Variants in PAPOLA observed in about 807,000 individuals in gnomAD.
PAPOLA encodes poly(A) polymerase alpha, also known as polynucleotide adenylyltransferase alpha.
Under a neutral mutation model 100.6 loss-of-function variants are expected in PAPOLA, and 15 were observed. That is an observed-to-expected ratio of 0.15 (90% CI 0.10 to 0.23). PAPOLA has a LOEUF of 0.23. Ranked by LOEUF, PAPOLA falls within the 10% of genes least tolerant of loss-of-function variation. The pLI, the probability that PAPOLA is intolerant of heterozygous loss-of-function variation, is 1.00. For missense variants in PAPOLA, 533 were observed against 884.2 expected (o/e 0.60, Z 5.04); for synonymous variants, 293 against 300.0 (o/e 0.98, Z 0.24).
At chr14:96,507,927 G>A (rs1896843202) in intron 1 of PAPOLA, among the ~76,000 whole-genome samples, 1 of 152,106 alleles carries the variant, frequency 6.6e-6, no homozygotes, top group African/African-American at 2.4e-5. Context: ...CCAGGCTGGA[G>A]TGTAGTGGTG....
intron 19 of PAPOLA, among the ~76,000 whole-genome samples, chr14:96,559,996 T>G (rs1303813109): frequency 1.3e-5 from 2 of 152,172 alleles, no homozygotes; most frequent in Admixed American, 6.5e-5. Context: ...AATAAAGTCC[T>G]TATTGGAATT....
chr14:96,547,292 T>C (rs973008929), intron 15 of PAPOLA, among the ~76,000 whole-genome samples: 4 of 152,164 alleles, frequency 2.6e-5, no homozygotes, highest in African/African-American at 9.7e-5. Context: ...ATTTTCTTTT[T>C]GTACCTGTGA....
Position 96,536,358 on chromosome 14 carries a change from C to T in PAPOLA, c.1030+359C>T, listed in dbSNP as rs191828389. Among the ~76,000 whole-genome samples the T allele has an allele frequency of 1.9e-3, 295 of 152,136 alleles. 2 individuals carry two copies. The highest frequency in any genetic ancestry group is 3.4e-3 in the Non-Finnish European group (231 of 67,906). ...AAAGAACTTTGAGCAGGAATGGGGC[C>T]AAACCACCCAATTACATTCCATTAT... On this transcript the variant is annotated intron_variant, in intron 11 of 21. Coordinates refer to ENST00000216277, the MANE Select transcript of PAPOLA (RefSeq NM_032632.5).
At chr14:96,553,796 A>T (rs900736434) in intron 17 of PAPOLA, among the ~76,000 whole-genome samples, 3 of 152,168 alleles carry the variant, frequency 2.0e-5, no homozygotes, top group African/African-American at 7.2e-5. Context: ...TCCAGGCATG[A>T]GCCACCACGC....
intron 19 of PAPOLA, among the ~76,000 whole-genome samples, chr14:96,558,687 C>G (rs1901559288): frequency 6.6e-6 from 1 of 152,110 alleles, no homozygotes; most frequent in African/African-American, 2.4e-5. Context: ...AATCTTAATT[C>G]TTTCAGCCTT....
At chr14:96,529,247 A>G (rs1197377085) in intron 6 of PAPOLA, among the ~76,000 whole-genome samples, 2 of 152,126 alleles carry the variant, frequency 1.3e-5, no homozygotes, top group Non-Finnish European at 2.9e-5. Flanking sequence ...TCAGTTACCT[A>G]GTTTTATGAG....
At chr14:96,545,943 A>G (rs1419292452) in intron 15 of PAPOLA, among the ~76,000 whole-genome samples, 2 of 152,122 alleles carry the variant, frequency 1.3e-5, no homozygotes, top group Non-Finnish European at 2.9e-5. Context: ...TAAGATGTTT[A>G]TCAAAGATTG....
intron 19 of PAPOLA, among the ~76,000 whole-genome samples, chr14:96,559,581 C>A (rs1292503): frequency 0.28 from 33,137 of 119,402 alleles, 4,739 homozygotes; most frequent in Non-Finnish European, 0.3. Context: ...CTCTCTCTCT[C>A]TATATATATA....
chr14:96,566,334 T>C lies in PAPOLA; in HGVS notation c.*1284T>C, dbSNP rs1349045639. 1.3e-5 allele frequency: 2 copies of C among 157,698 alleles called. No individual in the cohort carries two copies. The highest frequency in any genetic ancestry group is 4.8e-5 in the African/African-American group (2 of 41,692). 9.8% of individuals were successfully genotyped at this position (157,698 alleles called of 1,614,324 possible). A position where few individuals can be genotyped will look rare whatever the true frequency, so the allele number is the denominator to read the frequency against. On this transcript the variant is annotated 3_prime_UTR_variant, in exon 22 of 22. Coordinates refer to ENST00000216277, the MANE Select transcript of PAPOLA (RefSeq NM_032632.5). ...ATCAAAAGATTAAGAGCTCCTTTCTTTGAATAAAATAATTTCTCATAATTA... is the reference window on the plus strand; with the variant it reads ...ATCAAAAGATTAAGAGCTCCTTTCTCTGAATAAAATAATTTCTCATAATTA...
intron 6 of PAPOLA, among the ~76,000 whole-genome samples, chr14:96,529,760 T>A (rs1460087568): frequency 6.6e-6 from 1 of 152,014 alleles, no homozygotes; most frequent in Non-Finnish European, 1.5e-5. Context: ...AGTGATCTTA[T>A]AAAAGGCTTG....
intron 9 of PAPOLA, chr14:96,534,017 T>G: frequency 1.0e-6 from 1 of 986,802 alleles, no homozygotes; most frequent in Non-Finnish European, 1.2e-6. Context: ...TGCCACCAAG[T>G]TTTACTACTA....
In PAPOLA at chr14:96,532,962, A is replaced by G. The variant is rs1236392912; in HGVS notation, c.836+313A>G. 2.9e-6 allele frequency: 3 copies of G among 1,047,624 alleles called. No homozygotes were observed. The African/African-American group carries it at 5.1e-5, about 18-fold the overall frequency. 64.9% of individuals were successfully genotyped at this position (1,047,624 alleles called of 1,614,324 possible). On this transcript the variant is annotated intron_variant, in intron 9 of 21. Coordinates refer to ENST00000216277, the MANE Select transcript of PAPOLA (RefSeq NM_032632.5). ...GGGAAATCAGTTACTATACTTTTGG[A>G]TAAAACTTGTACACACTACCTCTTT...
Position 96,562,864 on chromosome 14 carries a change from C to CATA in PAPOLA, c.2114_2115insTAA (p.Gln705delinsHisLys). On this transcript the variant is annotated protein_altering_variant, in exon 21 of 22. Coordinates refer to ENST00000216277, the MANE Select transcript of PAPOLA (RefSeq NM_032632.5). ...AAGTACAACTCAATCAGAAACTATT[C>CATA]AGACAGCGGCTTCTCTGTTGGCCTC... The CATA allele has an allele frequency of 6.2e-7, 1 of 1,612,270 alleles. No homozygotes were observed. The highest frequency in any genetic ancestry group is 8.5e-7 in the Non-Finnish European group (1 of 1,178,724).
intron 1 of PAPOLA, among the ~76,000 whole-genome samples, chr14:96,513,466 C>G (rs879527572): frequency 4.6e-5 from 7 of 152,076 alleles, no homozygotes; most frequent in Admixed American, 1.3e-4. Context: ...ACCTTCTGTC[C>G]TAGTATTTTT....
rs1343845325 is a variant in PAPOLA at position 96,547,876 on chromosome 14, C to T, written c.1479C>T (p.Leu493=). 1.2e-6 allele frequency: 2 copies of T among 1,610,724 alleles called. No individual in the cohort carries two copies. The highest frequency in any genetic ancestry group is 1.1e-5 in the South Asian group (1 of 90,598). Reference sequence around the variant, plus strand: ...CAATGCATGTAAAAAGAAAGCAACTCCATCAACTACTACCTAATCATGTGC... The same window carrying T: ...CAATGCATGTAAAAAGAAAGCAACTTCATCAACTACTACCTAATCATGTGC... The part of the protein sequence containing the change: ...IAAMHVKRKQ[L]HQLLPNHVLQ... Residue 493 remains leucine, a synonymous_variant, in exon 16 of 22, where the codon CTC becomes CTT. Transcript: ENST00000216277.
At chr14:96,509,157 A>G (rs894495944) in intron 1 of PAPOLA, among the ~76,000 whole-genome samples, 1 of 152,028 alleles carries the variant, frequency 6.6e-6, no homozygotes, top group Non-Finnish European at 1.5e-5. Flanking sequence ...TCAGCCTCCC[A>G]AGTATCTGGG....
chr14:96,520,687 C>T (rs1409798160), intron 2 of PAPOLA, among the ~76,000 whole-genome samples: 1 of 152,046 alleles, frequency 6.6e-6, no homozygotes, highest in Non-Finnish European at 1.5e-5. Flanking sequence ...ACATAGAGTT[C>T]TCTTCCCTTA....
At chr14:96,510,216 A>G (rs570082210) in intron 1 of PAPOLA, among the ~76,000 whole-genome samples, 1 of 152,130 alleles carries the variant, frequency 6.6e-6, no homozygotes, top group African/African-American at 2.4e-5. Context: ...AGTGTTTGTC[A>G]TTTTGATCAT....
intron 1 of PAPOLA, 136 bp from the exon 2 acceptor site, chr14:96,519,919 C>G: frequency 1.6e-6 from 1 of 643,360 alleles, no homozygotes; most frequent in South Asian, 2.9e-5. Context: ...CACTTTTTGT[C>G]AAAAATTTTG....
Sources: gnomAD v4.1 joint callset for allele counts (sites outside exome capture counted in the v4.1 genomes callset) on GRCh38, gnomAD v4.1.1 for gene constraint, MANE v1.5 for transcripts, NCBI Gene and HGNC (gene_info 2026-07-23, HGNC 2026-07-21) for gene names.